GRAMD2A: variants seen among roughly 807,000 people sequenced by gnomAD.
GRAMD2A encodes GRAM domain containing 2A, also known as GRAM domain-containing protein 2A.
GRAMD2A carries 37 observed loss-of-function variants against 51.1 expected under a neutral mutation model. The ratio of observed to expected loss-of-function variants is 0.72; its 90% confidence interval spans 0.56 to 0.95. The LOEUF (loss-of-function observed/expected upper bound fraction) is 0.95. GRAMD2A is among the 40% of genes least tolerant of loss of function. The pLI, the probability that GRAMD2A is intolerant of heterozygous loss-of-function variation, is 0.00. For missense variants in GRAMD2A, 414 were observed against 426.9 expected (o/e 0.97, Z 0.27); for synonymous variants, 136 against 157.1 (o/e 0.87, Z 1.01).
chr15:72,168,914 G>A, intron 3 of GRAMD2A, 25 bp downstream of exon 3: 1 of 1,609,010 alleles, frequency 6.2e-7, no homozygotes, highest in Non-Finnish European at 8.5e-7. Context: ...TGGGTGAATA[G>A]TGAGAAGTCA....
intron 1 of GRAMD2A, among the ~76,000 whole-genome samples, chr15:72,186,288 A>C (rs1260426040): frequency 2.0e-5 from 3 of 151,906 alleles, no homozygotes; most frequent in Non-Finnish European, 4.4e-5. Flanking sequence ...ATGCCTTAAG[A>C]AATACAAATT....
chr15:72,165,217 C>T, intron 8 of GRAMD2A, 137 bp downstream of exon 8: 1 of 741,482 alleles, frequency 1.3e-6, no homozygotes, highest in Non-Finnish European at 2.3e-6. Flanking sequence ...TTAAGAGATG[C>T]CCTGGCATAG....
In GRAMD2A at chr15:72,163,720, C is replaced by T. The variant is rs767629864; in HGVS notation, c.638G>A (p.Cys213Tyr). The T allele has an allele frequency of 6.2e-7, 1 of 1,610,020 alleles. No homozygotes were observed. The highest frequency in any genetic ancestry group is 1.3e-5 in the African/African-American group (1 of 74,658). ...LIPEMKWRKV[C>Y]PSSRSLSLPD... The stretch of plus-strand genomic sequence containing the variant: ...GAGAGACAGGGACCTGGAGGAAGGG[C>T]ATACCTTTCTCCACTTCATCTCAGG... The change falls in exon 9 of 12, where the codon TGC becomes TAC. Residue 213 changes from cysteine (C) to tyrosine (Y), a missense_variant. Coordinates refer to ENST00000309731, the MANE Select transcript of GRAMD2A (RefSeq NM_001012642.3).
At chr15:72,162,712 C>CATG (rs1203397914) in intron 10 of GRAMD2A, 3 of 249,888 alleles carry the variant, frequency 1.2e-5, no homozygotes, top group Non-Finnish European at 2.3e-5. Context: ...TCTGGGAGGT[C>CATG]ATGATGATGA....
Position 72,193,333 on chromosome 15 carries a change from C to A in GRAMD2A, c.41+4398G>T, listed in dbSNP as rs549875684. 8.6e-5 allele frequency among the ~76,000 whole-genome samples: 13 copies of A among 150,748 alleles called. No homozygotes were observed. In the South Asian group the frequency reaches 2.7e-3, roughly 32 times the overall value. ...CCGGGTTCAAGCGATTTTCCTGCCT[C>A]AGCCTCCCTAGTAGCTGAAATTACA... is the stretch of plus-strand genomic sequence containing the variant. On this transcript the variant is annotated intron_variant, in intron 1 of 11. Coordinates refer to ENST00000309731, the MANE Select transcript of GRAMD2A (RefSeq NM_001012642.3).
In GRAMD2A at chr15:72,161,088, G is replaced by T. The variant is rs2081469965; in HGVS notation, c.*921C>A. The T allele has an allele frequency of 6.6e-6, 1 of 152,364 alleles. No individual in the cohort carries two copies. Among genetic ancestry groups the T allele is most frequent in the African/African-American group, 2.4e-5 (1 of 41,454 alleles). The allele number at this position is 152,364 out of a possible 1,614,324, so 9.4% of individuals were successfully genotyped here. A position where few individuals can be genotyped will look rare whatever the true frequency, so the allele number is the denominator to read the frequency against. ...TGCTGTTGGCCATGCCTGAGATGCG[G>T]GCAGGCAGGCAGGGAGTGGACAGCA... On this transcript the variant is annotated 3_prime_UTR_variant, in exon 12 of 12. Coordinates refer to ENST00000309731, the MANE Select transcript of GRAMD2A (RefSeq NM_001012642.3).
chr15:72,167,396 G>A (rs2081559104), intron 5 of GRAMD2A, among the ~76,000 whole-genome samples: 1 of 152,228 alleles, frequency 6.6e-6, no homozygotes, highest in East Asian at 1.9e-4. Context: ...GAGCTCCCCA[G>A]GCTACTTCTT....
chr15:72,183,728 G>C (rs1046409203), intron 1 of GRAMD2A, among the ~76,000 whole-genome samples: 4 of 152,196 alleles, frequency 2.6e-5, no homozygotes, highest in Admixed American at 2.0e-4. Flanking sequence ...GGCTGTCATG[G>C]AAGCCAAAGG....
At chr15:72,165,551 A>T (rs1451177252) in intron 7 of GRAMD2A, 141 bp from the exon 8 acceptor site, 1 of 773,400 alleles carries the variant, frequency 1.3e-6, no homozygotes, top group East Asian at 2.7e-5. Context: ...CCCAGGGTCT[A>T]TAGGGGGCCC....
At chr15:72,168,358 T>G in intron 4 of GRAMD2A, 133 bp downstream of exon 4, 2 of 711,484 alleles carry the variant, frequency 2.8e-6, no homozygotes, top group Non-Finnish European at 5.1e-6. Flanking sequence ...TCTTCTCACA[T>G]TCTAGGGGAG....
chr15:72,185,134 G>A (rs1039691207), intron 1 of GRAMD2A, among the ~76,000 whole-genome samples: 2 of 151,118 alleles, frequency 1.3e-5, no homozygotes, highest in Admixed American at 6.6e-5. Flanking sequence ...CAGTTATAAA[G>A]TATATGTGGG....
rs1175613880 is a variant in GRAMD2A at position 72,162,302 on chromosome 15, C to CAAGGAGCAT, written c.1023_1031dup (p.Cys342_Leu344dup). ...GCCCAGGGACTGGGTCATCCCAACTCAAGGAGCATAACTGCTGCTCTAGCC... is the reference window on the plus strand; with the variant it reads ...GCCCAGGGACTGGGTCATCCCAACTCAAGGAGCATAAGGAGCATAACTGCTGCTCTAGCC... On this transcript the variant is annotated inframe_insertion, in exon 11 of 12. Coordinates refer to ENST00000309731, the MANE Select transcript of GRAMD2A (RefSeq NM_001012642.3). 6.2e-7 allele frequency: 1 copy of CAAGGAGCAT among 1,613,978 alleles called. No homozygotes were observed. The highest frequency in any genetic ancestry group is 8.5e-7 in the Non-Finnish European group (1 of 1,179,850).
intron 1 of GRAMD2A, chr15:72,176,147 C>T (rs2081651136): frequency 6.6e-6 from 1 of 152,392 alleles, no homozygotes; most frequent in Non-Finnish European, 1.5e-5. Context: ...CAGGCTGGGC[C>T]CCTCCTGTCT....
rs774782947 is a variant in GRAMD2A, at chr15:72,162,327, C to T, written c.1007G>A (p.Arg336Gln). The T allele has an allele frequency of 1.1e-5, 18 of 1,614,082 alleles. No individual in the cohort carries two copies. Among genetic ancestry groups the T allele is most frequent in the East Asian group, 2.2e-5 (1 of 44,874 alleles). Residue 336 changes from arginine (R) to glutamine (Q), a missense_variant, in exon 11 of 12, where the codon CGG becomes CAG. Coordinates refer to ENST00000309731, the MANE Select transcript of GRAMD2A (RefSeq NM_001012642.3). ...SSSYLAFRIS[R>Q]LEQQLCSLSW... ...CAAGGAGCATAACTGCTGCTCTAGC[C>T]GAGAAATACGGAACGCCAGGTAGGA... is the stretch of plus-strand genomic sequence containing the variant.
chr15:72,172,347 T>C lies in GRAMD2A; in HGVS notation c.42-2408A>G, dbSNP rs147713334. Among the ~76,000 whole-genome samples, 83 of 151,072 alleles carry C rather than the reference T, an allele frequency of 5.5e-4. 1 individual carries two copies. The highest frequency in any genetic ancestry group is 9.7e-4 in the Non-Finnish European group (66 of 67,904). ...TGTGTTGTCCAGGCTGGTCCTAAAC[T>C]CCTGAGCTCAATCGTCCCACCTCAG... On this transcript the variant is annotated intron_variant, in intron 1 of 11. Transcript: ENST00000309731.
At chr15:72,174,001 T>C (rs2140551195) in intron 1 of GRAMD2A, 1 of 149,568 alleles carries the variant, frequency 6.7e-6, no homozygotes, top group South Asian at 2.1e-4. Flanking sequence ...TGCAAGCCAT[T>C]CCTTTCTGTT....
At chr15:72,162,468 C>G in intron 10 of GRAMD2A, 91 bp from the exon 11 acceptor site, 1 of 875,932 alleles carries the variant, frequency 1.1e-6, no homozygotes, top group Admixed American at 2.3e-5. Context: ...CCAAGCTACC[C>G]CTGCAGTTGG....
intron 1 of GRAMD2A, among the ~76,000 whole-genome samples, chr15:72,193,601 C>T (rs897440910): frequency 6.6e-6 from 1 of 151,822 alleles, no homozygotes; most frequent in Non-Finnish European, 1.5e-5. Context: ...CTGCTCACTG[C>T]AAGCTCCGCC....
Position 72,162,090 on chromosome 15 carries a change from C to T in GRAMD2A, c.1062-78G>A, listed in dbSNP as rs529447201. ...ACGTGGGCAGAAGGGCCAGTGATAA[C>T]TTTACTTCCCCCAAGAGTGGGCCAG... On this transcript the variant is annotated intron_variant, in intron 11 of 11. Transcript: ENST00000309731. 3.6e-5 allele frequency: 57 copies of T among 1,569,682 alleles called. No individual in the cohort carries two copies. The Admixed American group carries it at 9.5e-4, about 26-fold the overall frequency.
Sources: allele counts gnomAD v4.1 joint callset (sites outside exome capture counted in the v4.1 genomes callset), GRCh38; gene constraint gnomAD v4.1.1; transcripts MANE v1.5; gene names NCBI Gene and HGNC (gene_info 2026-07-23, HGNC 2026-07-21).